ERC1: variants seen among roughly 807,000 people sequenced by gnomAD.
The protein encoded by ERC1 is ELKS/RAB6-interacting/CAST family member 1.
A neutral mutation model predicts 132.0 loss-of-function variants in ERC1; 56 were observed. The ratio of observed to expected loss-of-function variants is 0.42; its 90% CI spans 0.34 to 0.53. The LOEUF (loss-of-function observed/expected upper bound fraction) is 0.53. Among genes scored for constraint, ERC1 ranks in the 20% least tolerant of loss-of-function variants. The probability of loss-of-function intolerance (pLI) is 0.03; values close to 1 mark genes in which losing one functional copy is unlikely to be tolerated. For missense variants in ERC1, 1,202 were observed against 1,349.9 expected (o/e 0.89, Z 1.72); for synonymous variants, 478 against 476.1 (o/e 1.00, Z -0.05).
chr12:1,213,485 C>G (rs1958068025), intron 12 of ERC1, among the ~76,000 whole-genome samples: 1 of 151,928 alleles, frequency 6.6e-6, no homozygotes, highest in African/African-American at 2.4e-5. Context: ...GCCTGTAATG[C>G]CAGCACTTTG....
chr12:1,165,887 A>G (rs929956528), intron 8 of ERC1, among the ~76,000 whole-genome samples: 2 of 152,278 alleles, frequency 1.3e-5, no homozygotes, highest in African/African-American at 2.4e-5. Flanking sequence ...ATGTTGTGCA[A>G]CCATCATCAC....
chr12:1,303,987 A>G (rs1353641005), intron 15 of ERC1, among the ~76,000 whole-genome samples: 4 of 149,950 alleles, frequency 2.7e-5, no homozygotes, highest in African/African-American at 9.9e-5. Context: ...CATTAGCTAT[A>G]TCCAAGGTTT....
At chr12:1,459,680 G>GA (rs1592187378) in intron 18 of ERC1, among the ~76,000 whole-genome samples, 1 of 152,206 alleles carries the variant, frequency 6.6e-6, no homozygotes, top group African/African-American at 2.4e-5. Context: ...TGCATAGACT[G>GA]AAAGTATCTC....
intron 12 of ERC1, among the ~76,000 whole-genome samples, chr12:1,225,903 A>G: frequency 6.6e-6 from 1 of 152,204 alleles, no homozygotes; most frequent in East Asian, 1.9e-4. Context: ...AATGAATGTT[A>G]GGAGGAACTT....
chr12:990,047 A>T (rs1322349093), upstream of ERC1: 2 of 152,236 alleles, frequency 1.3e-5, no homozygotes, highest in African/African-American at 4.8e-5. Flanking sequence ...CGATCCTGGG[A>T]GGGAACAGTT....
intron 13 of ERC1, among the ~76,000 whole-genome samples, chr12:1,261,576 G>A (rs986639856): frequency 2.0e-5 from 3 of 152,138 alleles, no homozygotes; most frequent in Non-Finnish European, 2.9e-5. Flanking sequence ...GTCTCTGCGC[G>A]CGGCGTCCCT....
intron 15 of ERC1, among the ~76,000 whole-genome samples, chr12:1,326,821 C>T (rs554044579): frequency 3.3e-5 from 5 of 151,892 alleles, no homozygotes; most frequent in South Asian, 2.1e-4. Context: ...CCTGTTTCTG[C>T]GTGTTTTTCT....
chr12:1,274,355 CAT>C (rs1489446269), intron 14 of ERC1, among the ~76,000 whole-genome samples: 10 of 152,062 alleles, frequency 6.6e-5, no homozygotes, highest in Non-Finnish European at 1.3e-4. Context: ...CAGAAATAAA[CAT>C]ATACTTTAAA....
intron 18 of ERC1, among the ~76,000 whole-genome samples, chr12:1,466,820 C>A (rs146728522): frequency 2.0e-5 from 3 of 152,106 alleles, no homozygotes; most frequent in African/African-American, 7.2e-5. Context: ...GCTTGTTTAG[C>A]GACTGAATGA....
At chr12:1,427,480 T>C (rs1234197385) in intron 17 of ERC1, among the ~76,000 whole-genome samples, 1 of 152,252 alleles carries the variant, frequency 6.6e-6, no homozygotes, top group Non-Finnish European at 1.5e-5. Context: ...ATAATTGTGA[T>C]ACATGACAGT....
chr12:1,403,144 C>T (rs986510644), intron 16 of ERC1, among the ~76,000 whole-genome samples: 2 of 152,062 alleles, frequency 1.3e-5, no homozygotes, highest in East Asian at 3.8e-4. Flanking sequence ...GTATGTATAC[C>T]TGGAGATATA....
chr12:1,144,687 CT>C (rs1377336713), intron 8 of ERC1, among the ~76,000 whole-genome samples: 1 of 145,100 alleles, frequency 6.9e-6, no homozygotes, highest in Non-Finnish European at 1.5e-5. Flanking sequence ...TCTTTATCCA[CT>C]TGTTGATTGG....
chr12:1,495,241 AGC>A lies in ERC1; in HGVS notation c.*5012_*5013del, dbSNP rs2094348290. On this transcript the variant is annotated 3_prime_UTR_variant, in exon 19 of 19. Transcript: ENST00000360905. ...TTCCAGTGACCACCCAGCACGGGTG[AGC>A]ACTGGCCAGCCTGGAGCCTGCAATC... 8.7e-6 allele frequency: 2 copies of A among 230,408 alleles called. No homozygotes were observed. The highest frequency in any genetic ancestry group is 1.8e-4 in the South Asian group (1 of 5,506). 14.3% of individuals were successfully genotyped at this position (230,408 alleles called of 1,614,324 possible).
chr12:1,083,669 G>T (rs1023931804), intron 3 of ERC1, 89 bp downstream of exon 3: 22 of 972,362 alleles, frequency 2.3e-5, no homozygotes, highest in South Asian at 3.2e-5. Context: ...GAATCTACGT[G>T]CTCTGCCGTG....
chr12:1,106,024 C>T (rs1222639674), intron 4 of ERC1, among the ~76,000 whole-genome samples: 5 of 152,198 alleles, frequency 3.3e-5, no homozygotes, highest in Admixed American at 6.5e-5. Flanking sequence ...ATTTAGAAAT[C>T]TTTAGGCTGT....
intron 12 of ERC1, among the ~76,000 whole-genome samples, chr12:1,227,478 T>C (rs1253971765): frequency 6.6e-6 from 1 of 152,236 alleles, no homozygotes; most frequent in African/African-American, 2.4e-5. Context: ...TCGAGAAATG[T>C]CTATTCAGAT....
intron 17 of ERC1, among the ~76,000 whole-genome samples, chr12:1,429,303 T>A (rs1330079764): frequency 6.6e-6 from 1 of 152,236 alleles, no homozygotes; most frequent in African/African-American, 2.4e-5. Flanking sequence ...ACATCTTACA[T>A]TTGGTCACAT....
intron 2 of ERC1, among the ~76,000 whole-genome samples, chr12:1,078,647 G>T (rs1267984643): frequency 1.3e-5 from 2 of 151,962 alleles, no homozygotes; most frequent in Non-Finnish European, 2.9e-5. Context: ...TGGCAGACTT[G>T]GAAAAATATT....
At chr12:1,268,855 C>T (rs1264370819) in intron 14 of ERC1, among the ~76,000 whole-genome samples, 2 of 152,068 alleles carry the variant, frequency 1.3e-5, no homozygotes, top group Non-Finnish European at 2.9e-5. Flanking sequence ...CTAGAAGCGT[C>T]TAGGAAACCA....
Sources: gnomAD v4.1 joint callset for allele counts (sites outside exome capture counted in the v4.1 genomes callset) on GRCh38, gnomAD v4.1.1 for gene constraint, MANE v1.5 for transcripts, NCBI Gene and HGNC (gene_info 2026-07-23, HGNC 2026-07-21) for gene names.